Variants in BDH2 observed in about 807,000 individuals in gnomAD.
The protein encoded by BDH2 is 3-hydroxybutyrate dehydrogenase 2, also known as dehydrogenase/reductase SDR family member 6.
Under a neutral mutation model 33.2 loss-of-function variants are expected in BDH2, and 24 were observed. The observed-to-expected ratio is 0.72, with a 90% CI of 0.52 to 1.02. BDH2 has a LOEUF of 1.02. Ranked by LOEUF, BDH2 falls within the 50% of genes least tolerant of loss-of-function variation. The probability of loss-of-function intolerance (pLI) is 0.00; values close to 1 mark genes in which losing one functional copy is unlikely to be tolerated. For synonymous variants in BDH2, 81 were observed against 101.6 expected (o/e 0.80, Z 1.22); for missense variants, 249 against 301.6 (o/e 0.83, Z 1.29).
Position 103,095,940 on chromosome 4 carries a change from A to T in BDH2, c.72+243T>A, listed in dbSNP as rs116452702. Among the ~76,000 whole-genome samples the T allele has an allele frequency of 6.8e-3, 1,032 of 152,362 alleles. 12 individuals carry two copies. Among genetic ancestry groups the T allele is most frequent in the Non-Finnish European group, 8.7e-3 (589 of 68,034 alleles). On this transcript the variant is annotated intron_variant, in intron 2 of 9. Transcript: ENST00000296424. The stretch of plus-strand genomic sequence containing the variant: ...AGAAACTGAAGTAGAGAAGTTTCTC[A>T]GAGTCAATGGTTATCAGTGATGTCA...
intron 3 of BDH2, among the ~76,000 whole-genome samples, chr4:103,093,624 TATA>T (rs1456206690): frequency 8.1e-5 from 12 of 147,728 alleles, no homozygotes; most frequent in East Asian, 3.9e-4. Context: ...ACATATAATA[TATA>T]ATAATATATG....
Position 103,082,064 on chromosome 4 carries a change from G to C in BDH2, c.684+17C>G. On this transcript the variant is annotated intron_variant, in intron 9 of 9. Coordinates refer to ENST00000296424, the MANE Select transcript of BDH2 (RefSeq NM_020139.4). ...GTGATTGAGGGTAATGAACTCCTTG[G>C]GAAGAATAGTGCTTACTTCATCAGA... The C allele has an allele frequency of 6.2e-7, 1 of 1,605,640 alleles. No homozygotes were observed.
Position 103,099,831 on chromosome 4 carries a change from A to G in BDH2, c.-69T>C, listed in dbSNP as rs1457476619. 1 of 152,238 alleles carries G rather than the reference A, an allele frequency of 6.6e-6. No homozygotes were observed. Among genetic ancestry groups the G allele is most frequent in the Non-Finnish European group, 1.5e-5 (1 of 68,044 alleles). 9.4% of individuals were successfully genotyped at this position (152,238 alleles called of 1,614,324 possible). On this transcript the variant is annotated 5_prime_UTR_variant, in exon 1 of 10. Coordinates refer to ENST00000296424, the MANE Select transcript of BDH2 (RefSeq NM_020139.4). ...TCTCCAGAACTCGGTTTGAGCAACA[A>G]ACTTGAGACAACCTTTGTCTGGAAG...
intron 5 of BDH2, among the ~76,000 whole-genome samples, chr4:103,090,918 T>C (rs72665042): frequency 0.13 from 20,174 of 152,254 alleles, 1,549 homozygotes; most frequent in South Asian, 0.28. Context: ...GAAGGCACTT[T>C]GTTTAGTTCA....
chr4:103,097,304 T>C (rs1748457117), intron 1 of BDH2, among the ~76,000 whole-genome samples: 1 of 152,168 alleles, frequency 6.6e-6, no homozygotes, highest in Non-Finnish European at 1.5e-5. Context: ...AGTAACACAT[T>C]AACAGGCATA....
chr4:103,093,849 A>G (rs1219682323), intron 3 of BDH2, among the ~76,000 whole-genome samples: 1 of 151,140 alleles, frequency 6.6e-6, no homozygotes, highest in African/African-American at 2.4e-5. Context: ...AAAGAAAGGG[A>G]AGACTTGAAA....
chr4:103,079,752 C>A lies in BDH2; in HGVS notation c.688G>T (p.Ala230Ser). 1.2e-6 allele frequency: 2 copies of A among 1,613,488 alleles called. No homozygotes were observed. The highest frequency in any genetic ancestry group is 1.7e-5 in the Admixed American group (1 of 60,028). The change falls in exon 10 of 10, where the codon GCT becomes TCT. Residue 230 changes from alanine to serine, a missense_variant. Transcript: ENST00000296424. ...ATGACAGGGTTACCAGTTACATAAGCAGACTGCAGTGATAAACACAAGGAG... is the reference window on the plus strand; with the variant it reads ...ATGACAGGGTTACCAGTTACATAAGAAGACTGCAGTGATAAACACAAGGAG... Reference protein sequence around the residue: ...LCVYLASDESAYVTGNPVIID... With the variant: ...LCVYLASDESSYVTGNPVIID...
intron 6 of BDH2, chr4:103,086,226 T>A: frequency 8.0e-7 from 1 of 1,246,932 alleles, no homozygotes; most frequent in Non-Finnish European, 1.0e-6. Flanking sequence ...CAGTTTGATG[T>A]TCATTTCCAT....
chr4:103,082,422 AGTTGTG>A (rs1188703980), intron 8 of BDH2, among the ~76,000 whole-genome samples: 3 of 152,332 alleles, frequency 2.0e-5, no homozygotes, highest in African/African-American at 7.2e-5. Flanking sequence ...CATCTTCAAA[AGTTGTG>A]GTAAAGTATA....
At position 103,079,580 on chromosome 4, in the gene BDH2, AAG is replaced by A; in HGVS notation, c.*120_*121del. 1 of 920,614 alleles carries A rather than the reference AAG, an allele frequency of 1.1e-6. No homozygotes were observed. Among genetic ancestry groups the A allele is most frequent in the Non-Finnish European group, 1.7e-6 (1 of 581,626 alleles). 57.0% of individuals were successfully genotyped at this position (920,614 alleles called of 1,614,324 possible). A position where few individuals can be genotyped will look rare whatever the true frequency, so the allele number is the denominator to read the frequency against. ...TCTTGCAAACAGTGACATCATTAAA[AAG>A]AGCTTATTTTCATTAACATGTGATT... On this transcript the variant is annotated 3_prime_UTR_variant, in exon 10 of 10. Coordinates refer to ENST00000296424, the MANE Select transcript of BDH2 (RefSeq NM_020139.4).
rs557430227 is a variant in BDH2, at chr4:103,085,762, A to C, written c.419-300T>G. On this transcript the variant is annotated intron_variant, in intron 6 of 9. Transcript: ENST00000296424. ...ATAACTCTTAGGCAGATTCCAAAAGAAAATGAAGATTAATAACAAAACAAA... is the reference window on the plus strand; with the variant it reads ...ATAACTCTTAGGCAGATTCCAAAAGCAAATGAAGATTAATAACAAAACAAA... 30 of 1,346,020 alleles carry C rather than the reference A, an allele frequency of 2.2e-5. No homozygotes were observed. The Admixed American group carries it at 2.9e-4, about 13-fold the overall frequency. The allele number at this position is 1,346,020 out of a possible 1,614,324, so 83.4% of individuals were successfully genotyped here. A position where few individuals can be genotyped will look rare whatever the true frequency, so the allele number is the denominator to read the frequency against.
intron 7 of BDH2, among the ~76,000 whole-genome samples, chr4:103,083,575 A>T (rs1747623829): frequency 6.6e-6 from 1 of 152,232 alleles, no homozygotes; most frequent in Non-Finnish European, 1.5e-5. Flanking sequence ...GAACAACGCT[A>T]ACATTTTAAA....
intron 3 of BDH2, 67 bp from the exon 4 acceptor site, chr4:103,092,763 G>A (rs1218024829): frequency 9.2e-7 from 1 of 1,082,690 alleles, no homozygotes; most frequent in East Asian, 2.5e-5. Context: ...CTGTTTTGAA[G>A]TGTGAAGTGT....
chr4:103,091,348 G>T, intron 4 of BDH2, 63 bp from the exon 5 acceptor site: 1 of 1,088,654 alleles, frequency 9.2e-7, no homozygotes, highest in Non-Finnish European at 1.4e-6. Flanking sequence ...TCCATCTGCT[G>T]ATTATTTTTA....
At chr4:103,098,436 G>A (rs1010254277) in intron 1 of BDH2, among the ~76,000 whole-genome samples, 1 of 152,190 alleles carries the variant, frequency 6.6e-6, no homozygotes, top group Non-Finnish European at 1.5e-5. Context: ...GTGGCACCAG[G>A]AGCCTGTGCC....
chr4:103,098,887 C>T (rs959202117), intron 1 of BDH2: 5 of 152,146 alleles, frequency 3.3e-5, no homozygotes, highest in Admixed American at 2.6e-4. Flanking sequence ...AGAACTGGCT[C>T]CAGGGATCAG....
Position 103,095,247 on chromosome 4 carries a change from G to A in BDH2, c.107C>T (p.Thr36Ile). The A allele has an allele frequency of 6.2e-7, 1 of 1,613,828 alleles. No homozygotes were observed. Among genetic ancestry groups the A allele is most frequent in the Non-Finnish European group, 8.5e-7 (1 of 1,179,834 alleles). ...CTGAAGTTTGGACTCATTAATGTCTGTGGCTATGACTTTGGCACCTTCTCT... is the reference window on the plus strand; with the variant it reads ...CTGAAGTTTGGACTCATTAATGTCTATGGCTATGACTTTGGCACCTTCTCT... ...FAREGAKVIA[T>I]DINESKLQEL... The change falls in exon 3 of 10, where the codon ACA becomes ATA. Residue 36 changes from threonine (T) to isoleucine (I), a missense_variant. Thr to Ile is a moderately conservative substitution (Grantham distance 89). Coordinates refer to ENST00000296424, the MANE Select transcript of BDH2 (RefSeq NM_020139.4).
In BDH2 at chr4:103,079,626, G is replaced by T; in HGVS notation, c.*76C>A. ...TGTGATTAACAGGAAGGAGATGATTGGTGAGTTTTCTTCGTAACCAGGTTC... is the reference window on the plus strand; with the variant it reads ...TGTGATTAACAGGAAGGAGATGATTTGTGAGTTTTCTTCGTAACCAGGTTC... On this transcript the variant is annotated 3_prime_UTR_variant, in exon 10 of 10. Transcript: ENST00000296424. 1.4e-6 allele frequency: 2 copies of T among 1,380,242 alleles called. No individual in the cohort carries two copies. The highest frequency in any genetic ancestry group is 2.1e-6 in the Non-Finnish European group (2 of 971,508). 85.5% of individuals were successfully genotyped at this position (1,380,242 alleles called of 1,614,324 possible).
chr4:103,081,284 A>G (rs1198719839), intron 9 of BDH2, among the ~76,000 whole-genome samples: 2 of 152,230 alleles, frequency 1.3e-5, no homozygotes, highest in African/African-American at 2.4e-5. Context: ...ATGATGAACA[A>G]GTAAGAATTT....
Sources: allele counts gnomAD v4.1 joint callset (sites outside exome capture counted in the v4.1 genomes callset), GRCh38; gene constraint gnomAD v4.1.1; transcripts MANE v1.5; gene names NCBI Gene and HGNC (gene_info 2026-07-23, HGNC 2026-07-21).